Variants in PRLR observed in about 807,000 individuals in gnomAD.
The protein encoded by PRLR is hPRL receptor.
Under a neutral mutation model 40.2 loss-of-function variants are expected in PRLR, and 13 were observed. The ratio of observed to expected loss-of-function variants is 0.32; its 90% CI spans 0.21 to 0.51. The LOEUF is 0.51. Ranked by LOEUF, PRLR falls within the 20% of genes least tolerant of loss-of-function variation. PRLR has a pLI of 0.97. For missense variants in PRLR, 656 were observed against 747.3 expected, an observed-to-expected ratio of 0.88 and a Z score of 1.42; for synonymous variants, 269 against 278.7, an observed-to-expected ratio of 0.97 and a Z score of 0.35.
chr5:35,225,541 C>T (rs756508396), intron 1 of PRLR, among the ~76,000 whole-genome samples: 14 of 152,098 alleles, frequency 9.2e-5, no homozygotes, highest in Non-Finnish European at 1.0e-4. Context: ...ATGTGAGTCA[C>T]ATATGTAATT....
Position 35,065,448 on chromosome 5 carries a change from C to T in PRLR, c.1510G>A (p.Ala504Thr), listed in dbSNP as rs1419095074. 1.7e-5 allele frequency: 28 copies of T among 1,613,972 alleles called. No homozygotes were observed. The highest frequency in any genetic ancestry group is 1.7e-4 in the Admixed American group (10 of 59,984). The change falls in exon 10 of 10, where the codon GCT (alanine) becomes ACT (threonine). Residue 504 changes from alanine to threonine, a missense_variant. By Grantham distance (58) the Ala-to-Thr change is moderately conservative. This residue lies in a region of PRLR where 469 missense variants were observed against 491.5 expected (regional missense o/e 0.95). Transcript: ENST00000618457. ...LPQEKTPFGS[A>T]KPLDYVEIHK... ...ATCTCCACATAATCCAAGGGTTTAG[C>T]GGAGCCAAAGGGGGTTTTCTCCTGG... is the stretch of plus-strand genomic sequence containing the variant.
intron 2 of PRLR, among the ~76,000 whole-genome samples, chr5:35,113,826 G>A (rs960513876): frequency 2.3e-4 from 35 of 152,248 alleles, no homozygotes; most frequent in African/African-American, 8.2e-4. Flanking sequence ...TGCTTCGGGA[G>A]AAGGAGGAGT....
In PRLR at chr5:35,145,988, C is replaced by T. The variant is rs540931442; in HGVS notation, c.-105-27866G>A. ...TTTAAGCAGGACTGTTCCCAATAGA[C>T]GACATATAGTTTCCTTAAGTCACTG... On this transcript the variant is annotated intron_variant, in intron 1 of 9. Coordinates refer to ENST00000618457, the MANE Select transcript of PRLR (RefSeq NM_000949.7). 3.0e-4 allele frequency among the ~76,000 whole-genome samples: 45 copies of T among 152,262 alleles called. 1 individual carries two copies. The highest frequency in any genetic ancestry group is 1.0e-3 in the African/African-American group (42 of 41,550).
At chr5:35,201,864 A>G (rs746961774) in intron 1 of PRLR, among the ~76,000 whole-genome samples, 2 of 152,198 alleles carry the variant, frequency 1.3e-5, no homozygotes, top group East Asian at 1.9e-4. Flanking sequence ...CCTTGACCCC[A>G]AAACCTCTGT....
chr5:35,156,304 T>C (rs1774504108), intron 1 of PRLR, among the ~76,000 whole-genome samples: 1 of 152,050 alleles, frequency 6.6e-6, no homozygotes, highest in Non-Finnish European at 1.5e-5. Context: ...GAGGTCTAAG[T>C]GATATTTGCC....
At chr5:35,145,008 G>A (rs1163021895) in intron 1 of PRLR, among the ~76,000 whole-genome samples, 1 of 152,190 alleles carries the variant, frequency 6.6e-6, no homozygotes, top group East Asian at 1.9e-4. Flanking sequence ...GGTGAGACAA[G>A]TAATGAATAT....
intron 1 of PRLR, among the ~76,000 whole-genome samples, chr5:35,136,444 A>G (rs899334935): frequency 2.6e-5 from 4 of 152,182 alleles, no homozygotes; most frequent in African/African-American, 9.7e-5. Context: ...GAGTCTACTC[A>G]CCAGATGCCA....
At chr5:35,210,967 C>T (rs2111640637) in intron 1 of PRLR, among the ~76,000 whole-genome samples, 1 of 152,306 alleles carries the variant, frequency 6.6e-6, no homozygotes, top group Middle Eastern at 3.4e-3. Flanking sequence ...CCTGCCTCAG[C>T]CTCCCAAAGT....
chr5:35,086,458 G>A (rs1353128737), intron 3 of PRLR, 118 bp from the exon 4 acceptor site: 1 of 1,271,118 alleles, frequency 7.9e-7, no homozygotes, highest in East Asian at 2.4e-5. Flanking sequence ...TCAGGCTGAG[G>A]AGACCTAGGG....
At chr5:35,109,501 G>T (rs929717233) in intron 2 of PRLR, among the ~76,000 whole-genome samples, 1 of 151,954 alleles carries the variant, frequency 6.6e-6, no homozygotes, top group South Asian at 2.1e-4. Flanking sequence ...AATCTACAAA[G>T]AACTTACAAA....
chr5:35,095,625 T>C (rs1337081894), intron 2 of PRLR, among the ~76,000 whole-genome samples: 3 of 152,320 alleles, frequency 2.0e-5, no homozygotes, highest in East Asian at 3.9e-4. Context: ...TATCTGCCCA[T>C]AGTCCAGGCA....
intron 8 of PRLR, chr5:35,049,429 A>G (rs1327828078): frequency 1.4e-6 from 1 of 702,694 alleles, no homozygotes; most frequent in Non-Finnish European, 2.6e-6. Context: ...GAAGAAAAAC[A>G]GTACATTCTG....
At chr5:35,107,541 G>T (rs1027834577) in intron 2 of PRLR, among the ~76,000 whole-genome samples, 4 of 151,944 alleles carry the variant, frequency 2.6e-5, no homozygotes, top group Admixed American at 2.6e-4. Flanking sequence ...ATGATAAAGG[G>T]ATATCACCAC....
chr5:35,172,110 C>T (rs1472609159), intron 1 of PRLR, among the ~76,000 whole-genome samples: 2 of 152,156 alleles, frequency 1.3e-5, no homozygotes, highest in Non-Finnish European at 2.9e-5. Context: ...GAGCATGTCC[C>T]GTGAGACTCA....
exon 9 of PRLR, chr5:35,048,868 G>A (rs925701794): frequency 6.9e-5 from 22 of 320,534 alleles, no homozygotes; most frequent in South Asian, 4.6e-4. Flanking sequence ...GCCTAAGGGG[G>A]ACAGTGACAA....
intron 2 of PRLR, among the ~76,000 whole-genome samples, chr5:35,094,715 C>G (rs1432032476): frequency 2.0e-5 from 3 of 152,124 alleles, no homozygotes. Context: ...GGGTCCTTGG[C>G]CCACTGGGTT....
chr5:35,206,328 T>C (rs1190592998), intron 1 of PRLR, among the ~76,000 whole-genome samples: 1 of 151,952 alleles, frequency 6.6e-6, no homozygotes, highest in African/African-American at 2.4e-5. Flanking sequence ...ATATTAAAAT[T>C]AAAAAGTAAA....
chr5:35,178,757 A>G (rs1013469866), intron 1 of PRLR, among the ~76,000 whole-genome samples: 3 of 152,218 alleles, frequency 2.0e-5, no homozygotes, highest in Non-Finnish European at 4.4e-5. Flanking sequence ...TAAAAGTTAT[A>G]TTTATGAAAA....
downstream of PRLR, among the ~76,000 whole-genome samples, chr5:35,054,704 A>G (rs1768634804): frequency 6.6e-6 from 1 of 152,212 alleles, no homozygotes; most frequent in African/African-American, 2.4e-5. Context: ...GTATAAAACT[A>G]AGCAGCTGGA....
Sources: allele counts gnomAD v4.1 joint callset (sites outside exome capture counted in the v4.1 genomes callset), GRCh38; gene constraint gnomAD v4.1.1; regional missense constraint gnomAD v4.1.1; transcripts MANE v1.5; gene names NCBI Gene and HGNC (gene_info 2026-07-23, HGNC 2026-07-21).